Variants in EPAS1 observed in about 807,000 individuals in gnomAD.
EPAS1 encodes the protein endothelial PAS domain protein 1.
EPAS1 carries 23 observed loss-of-function variants against 87.9 expected under a neutral mutation model. The observed-to-expected ratio is 0.26, with a 90% CI of 0.19 to 0.37. The LOEUF is 0.37. EPAS1 is among the 10% of genes least tolerant of loss of function. The pLI, the probability that EPAS1 is intolerant of heterozygous loss-of-function variation, is 1.00. For synonymous variants in EPAS1, 508 were observed against 444.3 expected (o/e 1.14, Z -1.80); for missense variants, 1,138 against 1,120.7 (o/e 1.02, Z -0.22).
At position 46,356,133 on chromosome 2, in the gene EPAS1, A is replaced by AT; in HGVS notation, c.218-18_218-17insT. 2.5e-6 allele frequency: 3 copies of AT among 1,218,720 alleles called. No homozygotes were observed. Among genetic ancestry groups the AT allele is most frequent in the East Asian group, 2.5e-5 (1 of 39,606 alleles). 75.5% of individuals were successfully genotyped at this position (1,218,720 alleles called of 1,614,324 possible). On this transcript the variant is annotated splice_polypyrimidine_tract_variant and intron_variant, in intron 2 of 15. Transcript: ENST00000263734. ...ACTCCACATTCATGCAAGCTGTCCC[A>AT]CCCCCCCCCCTTTCCAGTTTGCTCT...
chr2:46,333,608 G>A (rs1225430040), intron 1 of EPAS1, among the ~76,000 whole-genome samples: 1 of 152,104 alleles, frequency 6.6e-6, no homozygotes, highest in Non-Finnish European at 1.5e-5. Flanking sequence ...GGGGTGGCAG[G>A]GCATAGTGTG....
At position 46,346,443 on chromosome 2, in the gene EPAS1, A is replaced by T. The variant is rs1162448418; in HGVS notation, c.27-430A>T. On this transcript the variant is annotated intron_variant, in intron 1 of 15. Coordinates refer to ENST00000263734, the MANE Select transcript of EPAS1 (RefSeq NM_001430.5). This position sits in a 1 kb window ranked among gnomAD's most constrained non-coding sequence, Gnocchi z 4.0. ...TTATGCAGAAAAAGAACCTTAAAGC[A>T]GTTTTTTTATCTTGTTCTCCAGAGC... Among the ~76,000 whole-genome samples the T allele has an allele frequency of 6.6e-6, 1 of 152,150 alleles. No individual in the cohort carries two copies. Among genetic ancestry groups the T allele is most frequent in the Non-Finnish European group, 1.5e-5 (1 of 68,026 alleles).
At chr2:46,350,571 AAC>A (rs1365554806) in intron 2 of EPAS1, among the ~76,000 whole-genome samples, 1 of 152,226 alleles carries the variant, frequency 6.6e-6, no homozygotes, top group Non-Finnish European at 1.5e-5. Context: ...CTGAGGACAG[AAC>A]ACACTCTTAC....
intron 1 of EPAS1, among the ~76,000 whole-genome samples, chr2:46,333,664 T>G (rs1209652666): frequency 6.6e-6 from 1 of 151,766 alleles, no homozygotes; most frequent in Non-Finnish European, 1.5e-5. Flanking sequence ...AGGAGCTAAG[T>G]TTGGAAAGGG....
rs1299459605 is a variant in EPAS1 at position 46,338,332 on chromosome 2, T to C, written c.27-8541T>C. Among the ~76,000 whole-genome samples, 4 of 152,150 alleles carry C rather than the reference T, an allele frequency of 2.6e-5. No homozygotes were observed. In the East Asian group the frequency reaches 7.7e-4, roughly 29 times the overall value. ...ACTAACTGGAAAGAGTCACATGTGG[T>C]TGTTTCCTAGTTATATAGTCAGTAT... On this transcript the variant is annotated intron_variant, in intron 1 of 15. Transcript: ENST00000263734.
In EPAS1 at chr2:46,377,849, C is replaced by T. The variant is rs1231289536; in HGVS notation, c.1250-45C>T. 4.5e-6 allele frequency: 7 copies of T among 1,551,598 alleles called. No individual in the cohort carries two copies. In the South Asian group the frequency reaches 8.3e-5, roughly 18 times the overall value. ...TGGGCCTCCTCTGCCTTGGGGTGAG[C>T]CCGATGGTTGTGGGTGTTCACCTCC... On this transcript the variant is annotated intron_variant, in intron 9 of 15. Transcript: ENST00000263734.
At chr2:46,322,967 T>C (rs1240459742) in intron 1 of EPAS1, among the ~76,000 whole-genome samples, 1 of 152,254 alleles carries the variant, frequency 6.6e-6, no homozygotes, top group East Asian at 1.9e-4. Context: ...CTGTATGGCC[T>C]TTCTAAAATG....
At position 46,386,216 on chromosome 2, in the gene EPAS1, T is replaced by C. The variant is rs1685021729; in HGVS notation, c.*1556T>C. On this transcript the variant is annotated 3_prime_UTR_variant, in exon 16 of 16. Transcript: ENST00000263734. ...ACACCTCTGGTTTTTCAATACCAATTACATGGAACTTTTCTGTAATGGGTA... is the reference window on the plus strand; with the variant it reads ...ACACCTCTGGTTTTTCAATACCAATCACATGGAACTTTTCTGTAATGGGTA... 6.6e-6 allele frequency: 1 copy of C among 152,628 alleles called. No individual in the cohort carries two copies. The highest frequency in any genetic ancestry group is 2.1e-4 in the South Asian group (1 of 4,832). 9.5% of individuals were successfully genotyped at this position (152,628 alleles called of 1,614,324 possible).
chr2:46,346,864 T>A lies in EPAS1; in HGVS notation c.27-9T>A. The A allele has an allele frequency of 6.2e-7, 1 of 1,614,068 alleles. No homozygotes were observed. Among genetic ancestry groups the A allele is most frequent in the Admixed American group, 1.7e-5 (1 of 60,018 alleles). On this transcript the variant is annotated splice_polypyrimidine_tract_variant and intron_variant, in intron 1 of 15. Coordinates refer to ENST00000263734, the MANE Select transcript of EPAS1 (RefSeq NM_001430.5). The surrounding 1 kb of genome is among the most constrained non-coding windows in gnomAD (Gnocchi z 4.0). ...CCTTTCCGGGACTAACCCCTTCTTC[T>A]CCACTTAGGAGTAGCTCGGAGAGGA...
intron 1 of EPAS1, among the ~76,000 whole-genome samples, chr2:46,310,454 C>T (rs1232560697): frequency 2.0e-5 from 3 of 152,206 alleles, no homozygotes; most frequent in Non-Finnish European, 4.4e-5. Context: ...GTTCATTGCA[C>T]ACCCTGTACA....
rs566821177 is a variant in EPAS1, at chr2:46,370,594, A to G, written c.886+661A>G. Among the ~76,000 whole-genome samples, 4 of 152,336 alleles carry G rather than the reference A, an allele frequency of 2.6e-5. No individual in the cohort carries two copies. In the East Asian group the frequency reaches 7.7e-4, roughly 29 times the overall value. ...AGTTTGAAAGAAGCCTGAGTTATGT[A>G]AGGACTCTGGAAGAGGGCTGCCACA... On this transcript the variant is annotated intron_variant, in intron 7 of 15. Transcript: ENST00000263734.
In EPAS1 at chr2:46,307,797, T is replaced by C. The variant is rs375120740; in HGVS notation, c.26+9860T>C. Among the ~76,000 whole-genome samples, 92 of 152,332 alleles carry C rather than the reference T, an allele frequency of 6.0e-4. No individual in the cohort carries two copies. In the South Asian group the frequency reaches 0.014, roughly 23 times the overall value. ...GGTCCCCCAGAAGAGGTCCACATGG[T>C]GCTGATCCTGCAGCTGTTTTAGGCC... is the stretch of plus-strand genomic sequence containing the variant. On this transcript the variant is annotated intron_variant, in intron 1 of 15. Coordinates refer to ENST00000263734, the MANE Select transcript of EPAS1 (RefSeq NM_001430.5).
At chr2:46,354,832 A>C (rs1684239363) in intron 2 of EPAS1, among the ~76,000 whole-genome samples, 1 of 152,040 alleles carries the variant, frequency 6.6e-6, no homozygotes, top group South Asian at 2.1e-4. Context: ...AATCTCTGAG[A>C]CTGGGAAATG....
At chr2:46,363,308 C>T (rs1175854798) in intron 6 of EPAS1, among the ~76,000 whole-genome samples, 1 of 152,110 alleles carries the variant, frequency 6.6e-6, no homozygotes, top group Non-Finnish European at 1.5e-5. Flanking sequence ...ACGTGCTTCA[C>T]CCTGGTGAAT....
chr2:46,314,542 T>C (rs1308355435), intron 1 of EPAS1, among the ~76,000 whole-genome samples: 1 of 152,200 alleles, frequency 6.6e-6, no homozygotes, highest in Non-Finnish European at 1.5e-5. Context: ...AGCTGGATGA[T>C]CTCTCTGGGC....
chr2:46,358,255 C>T (rs1001927112), intron 4 of EPAS1, among the ~76,000 whole-genome samples: 16 of 152,352 alleles, frequency 1.1e-4, no homozygotes, highest in Admixed American at 1.0e-3. Context: ...ACAGCTCCCT[C>T]ACCCAGCTCC....
At chr2:46,332,136 GC>G (rs1683688439) in intron 1 of EPAS1, among the ~76,000 whole-genome samples, 1 of 152,312 alleles carries the variant, frequency 6.6e-6, no homozygotes, top group South Asian at 2.1e-4. Context: ...TGGGGAAGAG[GC>G]TGTGGGGTGT....
intron 1 of EPAS1, among the ~76,000 whole-genome samples, chr2:46,326,721 G>A (rs555145121): frequency 2.1e-4 from 32 of 152,304 alleles, no homozygotes; most frequent in South Asian, 8.3e-4. Flanking sequence ...CTTTGTTCCT[G>A]CCCATAGGAA....
At position 46,356,137 on chromosome 2, in the gene EPAS1, C is replaced by A. The variant is rs748828096; in HGVS notation, c.218-14C>A. ...CACATTCATGCAAGCTGTCCCACCCCCCCCCCTTTCCAGTTTGCTCTGAAA... is the reference window on the plus strand; with the variant it reads ...CACATTCATGCAAGCTGTCCCACCCACCCCCCTTTCCAGTTTGCTCTGAAA... On this transcript the variant is annotated splice_polypyrimidine_tract_variant and intron_variant, in intron 2 of 15. Coordinates refer to ENST00000263734, the MANE Select transcript of EPAS1 (RefSeq NM_001430.5). 112 of 1,288,918 alleles carry A rather than the reference C, an allele frequency of 8.7e-5. 3 individuals carry two copies. Among genetic ancestry groups the A allele is most frequent in the Non-Finnish European group, 1.2e-4 (107 of 924,134 alleles). The allele number at this position is 1,288,918 out of a possible 1,614,324, so 79.8% of individuals were successfully genotyped here.
Sources: gnomAD v4.1 joint callset for allele counts (sites outside exome capture counted in the v4.1 genomes callset) on GRCh38, gnomAD v4.1.1 for gene constraint, Gnocchi (gnomAD v3.1) non-coding constraint, MANE v1.5 for transcripts, NCBI Gene and HGNC (gene_info 2026-07-23, HGNC 2026-07-21) for gene names.